The following TLE2 variants were observed in gnomAD, a reference collection of about 807,000 sequenced individuals.
TLE2 encodes transducin-like enhancer protein 2.
TLE2 carries 74 observed loss-of-function variants against 97.2 expected under a neutral mutation model. That is an observed-to-expected ratio of 0.76 (90% confidence interval 0.63 to 0.92). TLE2 has a LOEUF of 0.92. Ranked by LOEUF, TLE2 falls within the 40% of genes least tolerant of loss-of-function variation. The pLI, the probability that TLE2 is intolerant of heterozygous loss-of-function variation, is 0.00. For missense variants in TLE2, 1,038 were observed against 1,008.7 expected (o/e 1.03, Z -0.39); for synonymous variants, 499 against 432.1 (o/e 1.15, Z -1.92).
chr19:3,026,271 A>G (rs2089941069), intron 4 of TLE2, among the ~76,000 whole-genome samples: 1 of 151,726 alleles, frequency 6.6e-6, no homozygotes, highest in Admixed American at 6.6e-5. Flanking sequence ...ACATGGAGAA[A>G]CCCCGTCTCT....
At chr19:3,044,171 C>CA (rs112268932) in intron 1 of TLE2, among the ~76,000 whole-genome samples, 6,003 of 139,854 alleles carry the variant, frequency 0.043, 317 homozygotes, top group African/African-American at 0.12. Context: ...TCCGTCTCAC[C>CA]AAAAAAAAAA....
At chr19:2,999,588 G>C (rs1420147187) in intron 19 of TLE2, among the ~76,000 whole-genome samples, 1 of 151,720 alleles carries the variant, frequency 6.6e-6, no homozygotes, top group Non-Finnish European at 1.5e-5. Flanking sequence ...TTAGCCAGGT[G>C]TGGTGGCGGG....
At chr19:3,017,041 G>A (rs1383849692) in intron 8 of TLE2, among the ~76,000 whole-genome samples, 1 of 152,066 alleles carries the variant, frequency 6.6e-6, no homozygotes, top group East Asian at 1.9e-4. Context: ...GCCTCCCAAA[G>A]TACTGGGGTT....
chr19:3,041,322 C>T (rs2090101912), intron 1 of TLE2, among the ~76,000 whole-genome samples: 1 of 152,092 alleles, frequency 6.6e-6, no homozygotes, highest in African/African-American at 2.4e-5. Flanking sequence ...CCCCCGCGCC[C>T]AGCCTGCCAT....
At chr19:3,013,131 G>C (rs2089631445) in intron 11 of TLE2, among the ~76,000 whole-genome samples, 1 of 152,060 alleles carries the variant, frequency 6.6e-6, no homozygotes. Flanking sequence ...AGAAGATTTG[G>C]GGTGAGGGGA....
At position 3,006,626 on chromosome 19, in the gene TLE2, C is replaced by T. The variant is rs1357833765; in HGVS notation, c.1294G>A (p.Val432Ile). Reference sequence around the variant, plus strand: ...ACCAGTGCATCCGAGGGGAAGGGAACCGGCTGCATCTGCCCGTCCGCAGAC... The same window carrying T: ...ACCAGTGCATCCGAGGGGAAGGGAATCGGCTGCATCTGCCCGTCCGCAGAC... ...HVSADGQMQP[V>I]PFPSDALVGA... The change falls in exon 15 of 20, where the codon GTT becomes ATT. Residue 432 changes from valine (V) to isoleucine (I), a missense_variant. Physicochemically the swap from Val to Ile is conservative, Grantham distance 29 (BLOSUM62 3). Transcript: ENST00000262953. 1.7e-5 allele frequency: 28 copies of T among 1,610,296 alleles called. No homozygotes were observed. Among genetic ancestry groups the T allele is most frequent in the Non-Finnish European group, 2.4e-5 (28 of 1,178,258 alleles).
At chr19:3,027,130 T>C (rs974597525) in intron 4 of TLE2, among the ~76,000 whole-genome samples, 4 of 151,982 alleles carry the variant, frequency 2.6e-5, no homozygotes, top group African/African-American at 9.7e-5. Flanking sequence ...TCTCTGAACC[T>C]TGAGGTCAAT....
In TLE2 at chr19:2,997,901, T is replaced by C. The variant is rs1242949689; in HGVS notation, c.2179A>G (p.Ile727Val). ...TTCTTGTCCCCCGAGCCTGTCACGATGTATTTGTTATTTCTGGAGATGTCA... is the reference window on the plus strand; with the variant it reads ...TTCTTGTCCCCCGAGCCTGTCACGACGTATTTGTTATTTCTGGAGATGTCA... ...SCDISRNNKYIVTGSGDKKAT... is the reference protein window; with the variant it reads ...SCDISRNNKYVVTGSGDKKAT... The change falls in exon 20 of 20, where the codon ATC becomes GTC. Residue 727 changes from isoleucine to valine, a missense_variant. Physicochemically the swap from Ile to Val is conservative, Grantham distance 29. Coordinates refer to ENST00000262953, the MANE Select transcript of TLE2 (RefSeq NM_003260.5). 5.6e-6 allele frequency: 9 copies of C among 1,612,996 alleles called. No homozygotes were observed. Among genetic ancestry groups the C allele is most frequent in the Middle Eastern group, 1.6e-4 (1 of 6,084 alleles).
chr19:3,012,311 G>A (rs2089613846), intron 11 of TLE2, among the ~76,000 whole-genome samples: 2 of 152,134 alleles, frequency 1.3e-5, no homozygotes, highest in South Asian at 4.1e-4. Flanking sequence ...AACCTCCCAT[G>A]CTCGAGTGAT....
chr19:3,013,785 T>G lies in TLE2; in HGVS notation c.757A>C (p.Thr253Pro), dbSNP rs1599217186. 1 of 1,553,862 alleles carries G rather than the reference T, an allele frequency of 6.4e-7. No individual in the cohort carries two copies. Among genetic ancestry groups the G allele is most frequent in the South Asian group, 1.2e-5 (1 of 82,014 alleles). ...QPSEPPSPAT[T>P]PCGKVPICIP... ...CAGATGGGTACCTTTCCGCAGGGGG[T>G]GGTAGCCGGGCTGGGGGGCTCTGAG... The change falls in exon 11 of 20, where the codon ACC (threonine) becomes CCC (proline). Residue 253 changes from threonine (T) to proline (P), a missense_variant. Physicochemically the swap from Thr to Pro is conservative, Grantham distance 38. Transcript: ENST00000262953.
At chr19:3,021,349 G>C (rs1192953932) in intron 5 of TLE2, among the ~76,000 whole-genome samples, 2 of 151,004 alleles carry the variant, frequency 1.3e-5, no homozygotes, top group Non-Finnish European at 2.9e-5. Flanking sequence ...AGATTGCAGT[G>C]AGCCAAGATC....
chr19:3,004,496 G>A (rs746407119), intron 17 of TLE2, among the ~76,000 whole-genome samples: 3 of 151,736 alleles, frequency 2.0e-5, no homozygotes, highest in South Asian at 2.1e-4. Flanking sequence ...AAAATTAGCC[G>A]AGCATGGTGG....
intron 1 of TLE2, among the ~76,000 whole-genome samples, chr19:3,044,163 C>T (rs1432829794): frequency 6.6e-6 from 1 of 150,554 alleles, no homozygotes; most frequent in Non-Finnish European, 1.5e-5. Context: ...ACAGAGACTC[C>T]GTCTCACCAA....
intron 19 of TLE2, among the ~76,000 whole-genome samples, chr19:2,999,093 C>T (rs535226699): frequency 1.3e-5 from 2 of 152,120 alleles, no homozygotes; most frequent in East Asian, 3.9e-4. Flanking sequence ...ACCAGACTGG[C>T]CAACGTGGGG....
chr19:3,026,957 C>G (rs1344986762), intron 4 of TLE2, among the ~76,000 whole-genome samples: 1 of 150,024 alleles, frequency 6.7e-6, no homozygotes. Context: ...ACCCTGAGGT[C>G]AATTTCAGAA....
chr19:3,046,597 G>A (rs990645596), upstream of TLE2, among the ~76,000 whole-genome samples: 3 of 132,620 alleles, frequency 2.3e-5, no homozygotes, highest in Non-Finnish European at 4.9e-5. Context: ...CCCCACCTCC[G>A]CTAGAGTCCT....
At chr19:3,030,558 C>T (rs116496125), upstream of TLE2, among the ~76,000 whole-genome samples, 2,925 of 152,122 alleles carry the variant, frequency 0.019, 99 homozygotes, top group African/African-American at 0.067. Flanking sequence ...CTTAGGTGAT[C>T]GAGTACCTAA....
chr19:3,025,551 C>G, intron 4 of TLE2: 7 of 988,446 alleles, frequency 7.1e-6, no homozygotes, highest in Non-Finnish European at 8.4e-6. Context: ...CAGGACTGAT[C>G]TACCAGCTGG....
chr19:3,038,183 G>A (rs2090075248), intron 1 of TLE2, among the ~76,000 whole-genome samples: 1 of 152,022 alleles, frequency 6.6e-6, no homozygotes, highest in South Asian at 2.1e-4. Context: ...ATAAAGGGTA[G>A]CTATTTGTAC....
Sources: allele counts gnomAD v4.1 joint callset (sites outside exome capture counted in the v4.1 genomes callset), GRCh38; gene constraint gnomAD v4.1.1; transcripts MANE v1.5; gene names NCBI Gene and HGNC (gene_info 2026-07-23, HGNC 2026-07-21).